ARPC1A: variants seen among roughly 807,000 people sequenced by gnomAD.
The protein encoded by ARPC1A is actin related protein 2/3 complex subunit 1A.
Under a neutral mutation model 46.9 loss-of-function variants are expected in ARPC1A, and 8 were observed. That is an observed-to-expected ratio of 0.17 (90% confidence interval 0.10 to 0.31). The LOEUF is 0.31. ARPC1A is among the 10% of genes least tolerant of loss of function. The pLI, the probability that ARPC1A is intolerant of heterozygous loss-of-function variation, is 1.00. For missense variants in ARPC1A, 286 were observed against 483.6 expected, an observed-to-expected ratio of 0.59 and a Z score of 3.83; for synonymous variants, 152 against 169.0, an observed-to-expected ratio of 0.90 and a Z score of 0.78.
intron 9 of ARPC1A, among the ~76,000 whole-genome samples, chr7:99,364,268 C>CTTTTTTTTT (rs1226720404): frequency 8.5e-6 from 1 of 117,372 alleles, no homozygotes; most frequent in Non-Finnish European, 1.7e-5. Context: ...AGATCTCTCT[C>CTTTTTTTTT]TTTTTTTTTT....
chr7:99,341,557 C>T (rs938037569), intron 3 of ARPC1A, among the ~76,000 whole-genome samples: 1 of 148,026 alleles, frequency 6.8e-6, no homozygotes, highest in African/African-American at 2.5e-5. Flanking sequence ...TACGGTGAGC[C>T]GAGATTGTGC....
intron 5 of ARPC1A, among the ~76,000 whole-genome samples, chr7:99,349,865 G>T (rs1793520413): frequency 6.6e-6 from 1 of 150,716 alleles, no homozygotes; most frequent in Non-Finnish European, 1.5e-5. Context: ...ATAAAAGTTA[G>T]CCTGGTGTGG....
intron 5 of ARPC1A, among the ~76,000 whole-genome samples, chr7:99,351,267 G>A (rs991863617): frequency 1.3e-5 from 2 of 152,172 alleles, no homozygotes; most frequent in African/African-American, 4.8e-5. Context: ...AAGCTGGAGT[G>A]CAGTGGTGTG....
chr7:99,339,196 A>C (rs781238886), intron 3 of ARPC1A, among the ~76,000 whole-genome samples: 1 of 152,186 alleles, frequency 6.6e-6, no homozygotes, highest in Non-Finnish European at 1.5e-5. Context: ...GGCAGACTAT[A>C]ATTTGCTATG....
At chr7:99,350,631 C>CT (rs540737612) in intron 5 of ARPC1A, among the ~76,000 whole-genome samples, 1,634 of 67,476 alleles carry the variant, frequency 0.024, 479 homozygotes, top group Non-Finnish European at 0.033. Flanking sequence ...ATGAGGTGCA[C>CT]TTTTTTTTTT....
intron 2 of ARPC1A, among the ~76,000 whole-genome samples, chr7:99,336,802 CTAATTT>C (rs982423732): frequency 6.6e-6 from 1 of 151,898 alleles, no homozygotes; most frequent in Admixed American, 6.6e-5. Context: ...CCCATAGATC[CTAATTT>C]TAATTTTAAG....
intron 4 of ARPC1A, among the ~76,000 whole-genome samples, chr7:99,348,560 A>T (rs1286687685): frequency 1.3e-5 from 2 of 152,206 alleles, no homozygotes; most frequent in Non-Finnish European, 2.9e-5. Flanking sequence ...TACAAAAATT[A>T]GCCAGTCTCA....
At chr7:99,326,917 G>GCT (rs1340725921) in intron 1 of ARPC1A, among the ~76,000 whole-genome samples, 6 of 152,166 alleles carry the variant, frequency 3.9e-5, no homozygotes, top group Non-Finnish European at 8.8e-5. Context: ...TTACAACACT[G>GCT]CTGGGAACAT....
chr7:99,328,304 G>A (rs1021027610), intron 1 of ARPC1A, among the ~76,000 whole-genome samples: 4 of 152,176 alleles, frequency 2.6e-5, no homozygotes, highest in Non-Finnish European at 5.9e-5. Flanking sequence ...GGGAGACGGA[G>A]GTTGCGGTGA....
chr7:99,366,184 G>A lies in ARPC1A; in HGVS notation c.*255G>A. 4.1e-6 allele frequency: 2 copies of A among 484,756 alleles called. No homozygotes were observed. The highest frequency in any genetic ancestry group is 2.7e-5 in the South Asian group (1 of 37,212). The allele number at this position is 484,756 out of a possible 1,614,324, so 30.0% of individuals were successfully genotyped here. On this transcript the variant is annotated 3_prime_UTR_variant, in exon 10 of 10. Transcript: ENST00000262942. The stretch of plus-strand genomic sequence containing the variant: ...TTTAAGTAGTTTATTATGGAAAATT[G>A]TCACACTAACTTAAAAGACAGGGTG...
At chr7:99,334,003 G>T (rs1025012289) in intron 2 of ARPC1A, among the ~76,000 whole-genome samples, 1 of 139,490 alleles carries the variant, frequency 7.2e-6, no homozygotes, top group Non-Finnish European at 1.5e-5. Flanking sequence ...GTGTGTGTGT[G>T]TACACACACA....
chr7:99,332,470 A>G (rs1793159124), intron 1 of ARPC1A, among the ~76,000 whole-genome samples: 2 of 152,190 alleles, frequency 1.3e-5, no homozygotes, highest in African/African-American at 2.4e-5. Context: ...AATCTGTGGG[A>G]TGATAATTTG....
In ARPC1A at chr7:99,359,562, A is replaced by C; in HGVS notation, c.807A>C (p.Pro269=). The C allele has an allele frequency of 1.2e-6, 2 of 1,614,012 alleles. No individual in the cohort carries two copies. Among genetic ancestry groups the C allele is most frequent in the Non-Finnish European group, 1.7e-6 (2 of 1,180,004 alleles). ...TGTTTCAGGGCCATGACTGCTGCCC[A>C]ATGCTCTTTAACTACGATGACCGCG... ...SVVAAGHDCC[P]MLFNYDDRGC... Residue 269 remains proline, a synonymous_variant, in exon 8 of 10, where the codon CCA becomes CCC. Transcript: ENST00000262942.
rs1256074182 is a variant in ARPC1A, at chr7:99,344,440, C to T, written c.317C>T (p.Pro106Leu). The T allele has an allele frequency of 3.1e-6, 5 of 1,613,780 alleles. No individual in the cohort carries two copies. Among genetic ancestry groups the T allele is most frequent in the Non-Finnish European group, 4.2e-6 (5 of 1,179,856 alleles). ...NRAATFVKWS[P>L]LENKFAVGSG... is the part of the protein sequence containing the mutation. Reference sequence around the variant, plus strand: ...GCAGCTACTTTTGTGAAGTGGTCCCCCCTAGAGAACAAATTTGCTGTGGGA... The same window carrying T: ...GCAGCTACTTTTGTGAAGTGGTCCCTCCTAGAGAACAAATTTGCTGTGGGA... Residue 106 changes from proline to leucine, a missense_variant, in exon 4 of 10, where the codon CCC becomes CTC. Physicochemically the swap from Pro to Leu is moderately conservative, Grantham distance 98. This residue lies in a region of ARPC1A where 38 missense variants were observed against 95.8 expected (regional missense o/e 0.40). Coordinates refer to ENST00000262942, the MANE Select transcript of ARPC1A (RefSeq NM_006409.4).
intron 1 of ARPC1A, 133 bp from the exon 2 acceptor site, chr7:99,333,192 G>C: frequency 1.5e-6 from 1 of 663,880 alleles, no homozygotes; most frequent in South Asian, 1.7e-5. Context: ...ACCGTGCCTG[G>C]CCAGATTATT....
At chr7:99,346,228 A>G (rs1793442451) in intron 4 of ARPC1A, among the ~76,000 whole-genome samples, 1 of 152,178 alleles carries the variant, frequency 6.6e-6, no homozygotes, top group Admixed American at 6.6e-5. Flanking sequence ...AAAAAAAAAA[A>G]AAAAATTGAG....
intron 6 of ARPC1A, among the ~76,000 whole-genome samples, chr7:99,355,516 G>T (rs527932763): frequency 6.6e-6 from 1 of 152,140 alleles, no homozygotes; most frequent in African/African-American, 2.4e-5. Flanking sequence ...AGGCCAAGGT[G>T]GGTGGATCAC....
chr7:99,339,249 A>G (rs774203161), intron 3 of ARPC1A, among the ~76,000 whole-genome samples: 1 of 152,280 alleles, frequency 6.6e-6, no homozygotes, highest in South Asian at 2.1e-4. Flanking sequence ...ATACATACAT[A>G]TTCATAAACA....
At chr7:99,329,637 G>GTTT (rs1793110876) in intron 1 of ARPC1A, among the ~76,000 whole-genome samples, 1 of 152,196 alleles carries the variant, frequency 6.6e-6, no homozygotes, top group Non-Finnish European at 1.5e-5. Context: ...GGTCTTAAGT[G>GTTT]TATGTCCAAA....
Sources: gnomAD v4.1 joint callset for allele counts (sites outside exome capture counted in the v4.1 genomes callset) on GRCh38, gnomAD v4.1.1 for gene constraint, gnomAD v4.1.1 regional missense constraint, MANE v1.5 for transcripts, NCBI Gene and HGNC (gene_info 2026-07-23, HGNC 2026-07-21) for gene names.